The following DLG2 variants were observed in gnomAD, a reference collection of about 807,000 sequenced individuals.
DLG2 encodes disks large homolog 2.
DLG2 carries 45 observed loss-of-function variants against 132.5 expected under a neutral mutation model. That is an observed-to-expected ratio of 0.34 (90% CI 0.27 to 0.44). The LOEUF (loss-of-function observed/expected upper bound fraction) is 0.44. Ranked by LOEUF, DLG2 falls within the 20% of genes least tolerant of loss-of-function variation. The pLI is 1.00. For missense variants in DLG2, 1,045 were observed against 1,196.9 expected (o/e 0.87, Z 1.87); for synonymous variants, 424 against 419.6 (o/e 1.01, Z -0.13).
Position 83,495,137 on chromosome 11 carries a change from T to C in DLG2, c.2194-10909A>G, listed in dbSNP as rs115429051. Among the ~76,000 whole-genome samples the C allele has an allele frequency of 9.3e-3, 1,418 of 152,222 alleles. 20 individuals carry two copies. Among genetic ancestry groups the C allele is most frequent in the African/African-American group, 0.031 (1,307 of 41,546 alleles). ...GATCTCTGATGTGCTCAGAACGGAT[T>C]AGATGTTCAGCTCTGTGTCATCTAA... On this transcript the variant is annotated intron_variant, in intron 21 of 27. Coordinates refer to ENST00000376104, the MANE Select transcript of DLG2 (RefSeq NM_001142699.3).
chr11:84,142,319 C>A (rs1377298771), intron 9 of DLG2, among the ~76,000 whole-genome samples: 115 of 86,804 alleles, frequency 1.3e-3, no homozygotes, highest in Middle Eastern at 0.011. Context: ...GAATCCATCT[C>A]AAAAAAAAAA....
intron 19 of DLG2, among the ~76,000 whole-genome samples, chr11:83,577,204 T>C (rs2096886733): frequency 6.6e-6 from 1 of 151,978 alleles, no homozygotes; most frequent in East Asian, 1.9e-4. Flanking sequence ...CTCCAAGTTC[T>C]TCAGTTTTGG....
chr11:85,529,516 G>T (rs895298260), intron 3 of DLG2, among the ~76,000 whole-genome samples: 2 of 151,946 alleles, frequency 1.3e-5, no homozygotes, highest in Non-Finnish European at 2.9e-5. Context: ...ATAGAAAAAT[G>T]TTCCCTTTTA....
chr11:84,300,821 A>C (rs1274762348), intron 7 of DLG2, among the ~76,000 whole-genome samples: 1 of 152,238 alleles, frequency 6.6e-6, no homozygotes, highest in Non-Finnish European at 1.5e-5. Context: ...TCAAGAGTAC[A>C]GGCAGAAAGA....
At chr11:85,096,805 C>T (rs1391361019) in intron 6 of DLG2, among the ~76,000 whole-genome samples, 3 of 152,144 alleles carry the variant, frequency 2.0e-5, no homozygotes, top group Non-Finnish European at 4.4e-5. Flanking sequence ...AAATACCAGA[C>T]ACCTGTCGAC....
chr11:85,360,987 A>G (rs753464977), intron 3 of DLG2, among the ~76,000 whole-genome samples: 1 of 152,136 alleles, frequency 6.6e-6, no homozygotes, highest in Admixed American at 6.5e-5. Flanking sequence ...GCTCTTCCCT[A>G]TAGTATTTCA....
chr11:84,171,010 G>C (rs563640180), intron 8 of DLG2, among the ~76,000 whole-genome samples: 23 of 152,114 alleles, frequency 1.5e-4, no homozygotes, highest in Non-Finnish European at 2.9e-4. Flanking sequence ...GGCCTCAACA[G>C]GGAGGAAACT....
chr11:84,157,878 A>T (rs1283687345), intron 9 of DLG2, among the ~76,000 whole-genome samples: 1 of 152,202 alleles, frequency 6.6e-6, no homozygotes, highest in Non-Finnish European at 1.5e-5. Context: ...AAACAATGCT[A>T]CTGTAGAGGA....
chr11:84,475,769 G>A (rs2099119992), intron 7 of DLG2, among the ~76,000 whole-genome samples: 1 of 152,106 alleles, frequency 6.6e-6, no homozygotes, highest in Non-Finnish European at 1.5e-5. Flanking sequence ...CACAATGTCT[G>A]GTTGTGCAAG....
chr11:84,370,145 T>G (rs987763726), intron 7 of DLG2, among the ~76,000 whole-genome samples: 1 of 152,164 alleles, frequency 6.6e-6, no homozygotes, highest in African/African-American at 2.4e-5. Context: ...CTTCCTCATA[T>G]GCATATTACA....
chr11:84,377,521 T>G (rs2098734034), intron 7 of DLG2, among the ~76,000 whole-genome samples: 1 of 152,042 alleles, frequency 6.6e-6, no homozygotes, highest in South Asian at 2.1e-4. Flanking sequence ...AATATCTATT[T>G]GTATGGTTAT....
chr11:85,491,533 A>G (rs2093560468), intron 3 of DLG2, among the ~76,000 whole-genome samples: 1 of 152,106 alleles, frequency 6.6e-6, no homozygotes, highest in African/African-American at 2.4e-5. Flanking sequence ...ACATCAAAAA[A>G]AACTATTCTA....
intron 7 of DLG2, among the ~76,000 whole-genome samples, chr11:84,410,885 A>C (rs980777771): frequency 1.4e-4 from 21 of 152,304 alleles, no homozygotes; most frequent in African/African-American, 4.8e-4. Context: ...CAGCCAAGTT[A>C]ATAAATTTTT....
chr11:85,242,249 A>G (rs2075918486), intron 4 of DLG2, among the ~76,000 whole-genome samples: 1 of 151,946 alleles, frequency 6.6e-6, no homozygotes, highest in African/African-American at 2.4e-5. Context: ...TACTATTGAC[A>G]AATCTGCTAT....
chr11:84,519,835 C>T (rs1483999571), intron 7 of DLG2, among the ~76,000 whole-genome samples: 4 of 152,152 alleles, frequency 2.6e-5, no homozygotes. Context: ...AACCTTAAGT[C>T]TATGTTCCAT....
At chr11:83,641,517 A>T (rs2066497813) in intron 18 of DLG2, among the ~76,000 whole-genome samples, 1 of 152,112 alleles carries the variant, frequency 6.6e-6, no homozygotes, top group South Asian at 2.1e-4. Flanking sequence ...GCCCAGTCAC[A>T]TTACTTTAGG....
intron 6 of DLG2, among the ~76,000 whole-genome samples, chr11:84,563,361 G>A (rs1001305427): frequency 2.0e-5 from 3 of 152,144 alleles, no homozygotes; most frequent in African/African-American, 7.2e-5. Context: ...TACCATAAAT[G>A]TTGATATTTC....
At chr11:83,724,881 G>T (rs796593450) in intron 18 of DLG2, 4 of 702,450 alleles carry the variant, frequency 5.7e-6, no homozygotes, top group Non-Finnish European at 7.8e-6. Flanking sequence ...AGTTTCCAGG[G>T]GTTTTCAGCA....
chr11:84,277,960 C>G (rs1023202759), intron 7 of DLG2, among the ~76,000 whole-genome samples: 9 of 151,574 alleles, frequency 5.9e-5, no homozygotes, highest in African/African-American at 1.9e-4. Flanking sequence ...ATGTTATGAT[C>G]ATGGCTCACT....
Sources: allele counts gnomAD v4.1 joint callset (sites outside exome capture counted in the v4.1 genomes callset), GRCh38; gene constraint gnomAD v4.1.1; transcripts MANE v1.5; gene names NCBI Gene and HGNC (gene_info 2026-07-23, HGNC 2026-07-21).